Variants in CSMD3 observed in about 807,000 individuals in gnomAD.
CSMD3 encodes CUB and Sushi multiple domains 3, also known as CUB and sushi domain-containing protein 3.
Under a neutral mutation model 435.2 loss-of-function variants are expected in CSMD3, and 177 were observed. The ratio of observed to expected loss-of-function variants is 0.41; its 90% CI spans 0.36 to 0.46. CSMD3 has a LOEUF of 0.46. Among genes scored for constraint, CSMD3 ranks in the 20% least tolerant of loss-of-function variants. The pLI, the probability that CSMD3 is intolerant of heterozygous loss-of-function variation, is 0.34. For missense variants in CSMD3, 4,265 were observed against 4,504.6 expected, an observed-to-expected ratio of 0.95 and a Z score of 1.52; for synonymous variants, 1,656 against 1,520.5, an observed-to-expected ratio of 1.09 and a Z score of -2.07.
intron 17 of CSMD3, among the ~76,000 whole-genome samples, chr8:112,660,605 T>A (rs1586912283): frequency 6.6e-6 from 1 of 152,184 alleles, no homozygotes; most frequent in East Asian, 1.9e-4. Flanking sequence ...CTTATAGGAT[T>A]TGGGGTGGAA....
chr8:113,079,994 T>G (rs2089492553), intron 5 of CSMD3, among the ~76,000 whole-genome samples: 1 of 152,182 alleles, frequency 6.6e-6, no homozygotes, highest in Non-Finnish European at 1.5e-5. Flanking sequence ...TGAGATGCTC[T>G]TTTTCTGAAC....
chr8:113,343,276 A>G (rs1192980379), intron 1 of CSMD3, among the ~76,000 whole-genome samples: 1 of 152,210 alleles, frequency 6.6e-6, no homozygotes, highest in Admixed American at 6.5e-5. Context: ...TTAATGAGTT[A>G]ATCAATAGGA....
intron 22 of CSMD3, among the ~76,000 whole-genome samples, chr8:112,613,880 T>C (rs541578390): frequency 5.3e-5 from 8 of 152,180 alleles, no homozygotes; most frequent in Non-Finnish European, 1.2e-4. Context: ...CCCAGCACTT[T>C]GGGAGTCCAA....
At chr8:112,409,115 G>GGA (rs1832110819) in intron 32 of CSMD3, 83 bp from the exon 33 acceptor site, 3 of 1,597,646 alleles carry the variant, frequency 1.9e-6, no homozygotes, top group Admixed American at 3.5e-5. Flanking sequence ...AGAAAGAGGA[G>GGA]GAGAGAGAGA....
chr8:112,435,757 T>C (rs1169666108), intron 32 of CSMD3, among the ~76,000 whole-genome samples: 3 of 152,094 alleles, frequency 2.0e-5, no homozygotes, highest in Non-Finnish European at 4.4e-5. Context: ...ATTTACGTCT[T>C]AGATTTAAAA....
intron 12 of CSMD3, among the ~76,000 whole-genome samples, chr8:112,803,104 T>A (rs1009429645): frequency 6.6e-6 from 1 of 152,164 alleles, no homozygotes; most frequent in South Asian, 2.1e-4. Flanking sequence ...ATACATATTA[T>A]TCTTGGTGGA....
chr8:112,837,217 C>T (rs1272377239), intron 11 of CSMD3, among the ~76,000 whole-genome samples: 4 of 151,638 alleles, frequency 2.6e-5, no homozygotes, highest in Non-Finnish European at 5.9e-5. Context: ...ATGGTAAAGT[C>T]TGTATTTGTT....
chr8:112,906,856 A>G (rs1485608707), intron 10 of CSMD3, among the ~76,000 whole-genome samples: 2 of 151,526 alleles, frequency 1.3e-5, no homozygotes, highest in Admixed American at 1.3e-4. Flanking sequence ...TTGCACATTC[A>G]GATGTAAAAC....
At chr8:113,244,167 T>G (rs1299348652) in intron 3 of CSMD3, among the ~76,000 whole-genome samples, 1 of 152,208 alleles carries the variant, frequency 6.6e-6, no homozygotes, top group East Asian at 1.9e-4. Flanking sequence ...CTGATGAAAT[T>G]CAAATTTCAA....
intron 30 of CSMD3, among the ~76,000 whole-genome samples, chr8:112,497,830 T>G (rs1821519490): frequency 6.6e-6 from 1 of 152,154 alleles, no homozygotes; most frequent in African/African-American, 2.4e-5. Context: ...AGGAAGCTGA[T>G]AAGACAGACC....
In CSMD3 at chr8:113,031,612, T is replaced by C. The variant is rs551851680; in HGVS notation, c.918-12433A>G. On this transcript the variant is annotated intron_variant, in intron 5 of 70. Coordinates refer to ENST00000297405, the MANE Select transcript of CSMD3 (RefSeq NM_198123.2). ...TCTTGACTATAGCATTGTGATAAAG[T>C]GCACAGAATAAAATACACTTGCACA... Among the ~76,000 whole-genome samples, 22 of 151,752 alleles carry C rather than the reference T, an allele frequency of 1.4e-4. 2 individuals carry two copies. The highest frequency in any genetic ancestry group is 3.1e-4 in the Non-Finnish European group (21 of 67,804).
At chr8:112,412,413 A>G (rs1380279249) in intron 32 of CSMD3, among the ~76,000 whole-genome samples, 1 of 152,078 alleles carries the variant, frequency 6.6e-6, no homozygotes, top group Non-Finnish European at 1.5e-5. Context: ...CCTGCATCTC[A>G]GCTCCAAGCT....
intron 10 of CSMD3, among the ~76,000 whole-genome samples, chr8:112,879,010 T>C (rs911351181): frequency 6.6e-6 from 1 of 152,088 alleles, no homozygotes; most frequent in Non-Finnish European, 1.5e-5. Context: ...GTTTGAACAA[T>C]ATGAAATCTG....
chr8:112,870,845 C>G (rs1263696424), intron 10 of CSMD3, among the ~76,000 whole-genome samples: 1 of 151,976 alleles, frequency 6.6e-6, no homozygotes, highest in East Asian at 1.9e-4. Context: ...ACTAAACTAG[C>G]AGATAAATCT....
intron 10 of CSMD3, among the ~76,000 whole-genome samples, chr8:112,911,553 G>A (rs1017032331): frequency 2.6e-5 from 4 of 151,088 alleles, no homozygotes; most frequent in African/African-American, 9.7e-5. Flanking sequence ...ACTCTCCTCC[G>A]GGTTCATCTA....
At chr8:112,345,063 A>G (rs1167036769) in intron 41 of CSMD3, among the ~76,000 whole-genome samples, 3 of 152,162 alleles carry the variant, frequency 2.0e-5, no homozygotes, top group Non-Finnish European at 4.4e-5. Flanking sequence ...ACTGAAAAAT[A>G]GTATAAGTCT....
At chr8:112,440,138 C>G (rs1814836208) in intron 32 of CSMD3, among the ~76,000 whole-genome samples, 1 of 152,182 alleles carries the variant, frequency 6.6e-6, no homozygotes. Flanking sequence ...AAATTAGTTA[C>G]TTCCTAAATA....
At chr8:112,879,827 A>G (rs1411166289) in intron 10 of CSMD3, among the ~76,000 whole-genome samples, 1 of 152,028 alleles carries the variant, frequency 6.6e-6, no homozygotes, top group Non-Finnish European at 1.5e-5. Flanking sequence ...GGAACAGAAA[A>G]CCAAACACCA....
chr8:113,143,292 T>C (rs1307017930), intron 4 of CSMD3, among the ~76,000 whole-genome samples: 1 of 151,182 alleles, frequency 6.6e-6, no homozygotes, highest in Non-Finnish European at 1.5e-5. Context: ...TCCACCAGAA[T>C]GGCTAAAATA....
Sources: allele counts gnomAD v4.1 joint callset (sites outside exome capture counted in the v4.1 genomes callset), GRCh38; gene constraint gnomAD v4.1.1; transcripts MANE v1.5; gene names NCBI Gene and HGNC (gene_info 2026-07-23, HGNC 2026-07-21).